MOSMO: variants seen among roughly 807,000 people sequenced by gnomAD.
MOSMO encodes modulator of smoothened, also known as modulator of smoothened protein.
MOSMO carries 5 observed loss-of-function variants against 18.4 expected under a neutral mutation model. The ratio of observed to expected loss-of-function variants is 0.27; its 90% confidence interval spans 0.14 to 0.57. The LOEUF (loss-of-function observed/expected upper bound fraction) is 0.57. Ranked by LOEUF, MOSMO falls within the 20% of genes least tolerant of loss-of-function variation. MOSMO has a pLI of 0.92. For missense variants in MOSMO, 138 were observed against 211.8 expected (o/e 0.65, Z 2.16); for synonymous variants, 82 against 82.3 (o/e 1.00, Z 0.02).
At chr16:22,080,032 C>T (rs182698132) in intron 2 of MOSMO, among the ~76,000 whole-genome samples, 9 of 152,290 alleles carry the variant, frequency 5.9e-5, no homozygotes, top group African/African-American at 1.9e-4. Context: ...TATCCGCCCG[C>T]CTCGGCCCCC....
chr16:22,066,211 A>C (rs1331030995), intron 1 of MOSMO, among the ~76,000 whole-genome samples: 1 of 152,018 alleles, frequency 6.6e-6, no homozygotes, highest in Non-Finnish European at 1.5e-5. Flanking sequence ...TGAAAATTTC[A>C]ATTTTTAGGG....
chr16:22,040,385 C>T (rs1000720730), intron 1 of MOSMO, among the ~76,000 whole-genome samples: 2 of 152,104 alleles, frequency 1.3e-5, no homozygotes, highest in Admixed American at 1.3e-4. Flanking sequence ...CCTATGTAAC[C>T]TGCACATGTA....
intron 1 of MOSMO, among the ~76,000 whole-genome samples, chr16:22,074,909 A>G (rs1471837909): frequency 6.6e-6 from 1 of 152,206 alleles, no homozygotes; most frequent in Non-Finnish European, 1.5e-5. Context: ...CTTGAGTTTA[A>G]TGGAAAACTA....
intron 1 of MOSMO, among the ~76,000 whole-genome samples, chr16:22,058,719 A>AT (rs1257190570): frequency 6.6e-6 from 1 of 152,160 alleles, no homozygotes; most frequent in African/African-American, 2.4e-5. Flanking sequence ...TAAATGGAGG[A>AT]TAAGTTCGTT....
Position 22,082,876 on chromosome 16 carries a change from C to T in MOSMO, c.*1996C>T, listed in dbSNP as rs993461090. 1 of 152,086 alleles carries T rather than the reference C, an allele frequency of 6.6e-6. No individual in the cohort carries two copies. Among genetic ancestry groups the T allele is most frequent in the Non-Finnish European group, 1.5e-5 (1 of 68,002 alleles). The allele number at this position is 152,086 out of a possible 1,614,324, so 9.4% of individuals were successfully genotyped here. A position where few individuals can be genotyped will look rare whatever the true frequency, so the allele number is the denominator to read the frequency against. ...CTTTTCCTTCCCAGAGTAAAAGAAA[C>T]CTTTGGGAGATCCTGAGGGAGACTG... On this transcript the variant is annotated 3_prime_UTR_variant, in exon 3 of 3. Coordinates refer to ENST00000542527, the MANE Select transcript of MOSMO (RefSeq NM_001164579.2).
Position 22,075,506 on chromosome 16 carries a change from C to T in MOSMO, c.126C>T (p.Leu42=), listed in dbSNP as rs889338536. The T allele has an allele frequency of 4.9e-5, 75 of 1,537,132 alleles. No individual in the cohort carries two copies. Among genetic ancestry groups the T allele is most frequent in the East Asian group, 2.7e-4 (11 of 40,928 alleles). ...GESAGALTVG[L]VRQCQTIHGR... ...CCCCAGGAGCACTCACTGTGGGCCTCGTGCGACAGTGTCAAACAATCCATG... is the reference window on the plus strand; with the variant it reads ...CCCCAGGAGCACTCACTGTGGGCCTTGTGCGACAGTGTCAAACAATCCATG... The change falls in exon 2 of 3, where the codon CTC becomes CTT. Residue 42 remains leucine (L), a synonymous_variant. Coordinates refer to ENST00000542527, the MANE Select transcript of MOSMO (RefSeq NM_001164579.2).
chr16:22,059,679 G>C (rs1900604536), intron 1 of MOSMO, among the ~76,000 whole-genome samples: 1 of 152,170 alleles, frequency 6.6e-6, no homozygotes, highest in Non-Finnish European at 1.5e-5. Context: ...AAAACCATCA[G>C]ATCTTGTGAG....
chr16:22,065,696 G>A (rs1900735916), intron 1 of MOSMO, among the ~76,000 whole-genome samples: 1 of 152,148 alleles, frequency 6.6e-6, no homozygotes, highest in African/African-American at 2.4e-5. Flanking sequence ...CCTTCCAGGT[G>A]TTATCTCATT....
At chr16:22,032,379 A>G (rs1900013925) in intron 1 of MOSMO, among the ~76,000 whole-genome samples, 1 of 151,860 alleles carries the variant, frequency 6.6e-6, no homozygotes, top group Non-Finnish European at 1.5e-5. Context: ...TTTAGTAGAG[A>G]TGGCTTTTTG....
At chr16:22,044,018 AG>A (rs1200026414) in intron 1 of MOSMO, among the ~76,000 whole-genome samples, 2 of 152,146 alleles carry the variant, frequency 1.3e-5, no homozygotes, top group Non-Finnish European at 2.9e-5. Flanking sequence ...GCCAAGTGTA[AG>A]GGGAAACTCC....
At chr16:22,035,885 T>C (rs1008440400) in intron 1 of MOSMO, among the ~76,000 whole-genome samples, 1 of 152,194 alleles carries the variant, frequency 6.6e-6, no homozygotes, top group Non-Finnish European at 1.5e-5. Flanking sequence ...AGTTGTTTGC[T>C]TGCTGTTATA....
At chr16:22,035,147 T>C (rs1276477419) in intron 1 of MOSMO, among the ~76,000 whole-genome samples, 1 of 151,772 alleles carries the variant, frequency 6.6e-6, no homozygotes, top group Non-Finnish European at 1.5e-5. Flanking sequence ...AGGGGAAGAG[T>C]TCTATAATCC....
intron 1 of MOSMO, 101 bp downstream of exon 1, chr16:22,008,508 C>T (rs1283594849): frequency 2.8e-6 from 2 of 726,176 alleles, no homozygotes; most frequent in Non-Finnish European, 4.1e-6. Context: ...GGGTCCCGGC[C>T]GGAGGCTAGC....
chr16:22,052,150 T>C lies in MOSMO; in HGVS notation c.107-23337T>C, dbSNP rs796973005. Among the ~76,000 whole-genome samples the C allele has an allele frequency of 4.6e-5, 7 of 152,308 alleles. No individual in the cohort carries two copies. The South Asian group carries it at 6.2e-4, about 14-fold the overall frequency. On this transcript the variant is annotated intron_variant, in intron 1 of 2. Transcript: ENST00000542527. ...CGATAAATTAGGCTGTCCATTGTTA[T>C]TGTTTGAAATAACAAAAGACTGGAA...
intron 1 of MOSMO, among the ~76,000 whole-genome samples, chr16:22,034,376 T>C (rs531051673): frequency 6.6e-6 from 1 of 152,372 alleles, no homozygotes; most frequent in Admixed American, 6.5e-5. Context: ...TTATCTGTTA[T>C]CATTTCTAGC....
chr16:22,027,547 G>A (rs1434166242), intron 1 of MOSMO, among the ~76,000 whole-genome samples: 1 of 152,158 alleles, frequency 6.6e-6, no homozygotes, highest in African/African-American at 2.4e-5. Flanking sequence ...CCAGCACTAA[G>A]AAAGCACTCA....
intron 1 of MOSMO, among the ~76,000 whole-genome samples, chr16:22,024,539 G>A (rs1347752822): frequency 6.6e-6 from 1 of 151,772 alleles, no homozygotes; most frequent in African/African-American, 2.4e-5. Flanking sequence ...GCTAATTTTC[G>A]TATTTTTAGC....
chr16:22,024,514 A>C (rs1899835967), intron 1 of MOSMO, among the ~76,000 whole-genome samples: 1 of 151,868 alleles, frequency 6.6e-6, no homozygotes, highest in Non-Finnish European at 1.5e-5. Context: ...ATATAGGCTT[A>C]TGCCACCACA....
At chr16:22,037,528 A>G (rs1900131543) in intron 1 of MOSMO, among the ~76,000 whole-genome samples, 1 of 152,140 alleles carries the variant, frequency 6.6e-6, no homozygotes, top group African/African-American at 2.4e-5. Context: ...TACCTGGCAT[A>G]TAGATCCCAT....
Sources: allele counts gnomAD v4.1 joint callset (sites outside exome capture counted in the v4.1 genomes callset), GRCh38; gene constraint gnomAD v4.1.1; transcripts MANE v1.5; gene names NCBI Gene and HGNC (gene_info 2026-07-23, HGNC 2026-07-21).